Variants in TMEM132E observed in about 807,000 individuals in gnomAD.
TMEM132E encodes transmembrane protein 132E.
A neutral mutation model predicts 78.5 loss-of-function variants in TMEM132E; 49 were observed. The ratio of observed to expected loss-of-function variants is 0.62; its 90% CI spans 0.50 to 0.79. The LOEUF (loss-of-function observed/expected upper bound fraction) is 0.79, where lower values mean the gene tolerates loss of function less well. Ranked by LOEUF, TMEM132E falls within the 30% of genes least tolerant of loss-of-function variation. The pLI, the probability that TMEM132E is intolerant of heterozygous loss-of-function variation, is 0.00. For missense variants in TMEM132E, 1,403 were observed against 1,470.9 expected, an observed-to-expected ratio of 0.95 and a Z score of 0.75; for synonymous variants, 715 against 670.6, an observed-to-expected ratio of 1.07 and a Z score of -1.02.
intron 1 of TMEM132E, among the ~76,000 whole-genome samples, chr17:34,622,164 C>T (rs934296922): frequency 6.6e-5 from 10 of 152,202 alleles, no homozygotes; most frequent in Admixed American, 5.2e-4. Flanking sequence ...ACTTGACAGA[C>T]CAACTGATCT....
intron 1 of TMEM132E, among the ~76,000 whole-genome samples, chr17:34,596,001 C>G (rs980857753): frequency 6.6e-6 from 1 of 151,530 alleles, no homozygotes; most frequent in Non-Finnish European, 1.5e-5. Flanking sequence ...CCCTCCATTC[C>G]CCTCCCTCGG....
chr17:34,621,027 G>A (rs1377548855), intron 1 of TMEM132E, among the ~76,000 whole-genome samples: 1 of 152,184 alleles, frequency 6.6e-6, no homozygotes, highest in Non-Finnish European at 1.5e-5. Context: ...GGAGGCTGGG[G>A]AGAGCTGGGA....
chr17:34,604,233 A>C (rs1442387201), intron 1 of TMEM132E, among the ~76,000 whole-genome samples: 2 of 152,028 alleles, frequency 1.3e-5, no homozygotes, highest in Non-Finnish European at 2.9e-5. Flanking sequence ...AGCTCTTCAG[A>C]ATGGCTTCTT....
rs375624936 is a variant in TMEM132E at position 34,629,989 on chromosome 17, C to G, written c.1339-19C>G. 4 of 1,588,794 alleles carry G rather than the reference C, an allele frequency of 2.5e-6. No individual in the cohort carries two copies. The African/African-American group carries it at 5.4e-5, about 21-fold the overall frequency. Reference sequence around the variant, plus strand: ...AGAAGGGGACCACAAGTAGAGCCCCCCCCTTCTCCTCCCTGCAGGACACAG... The same window carrying G: ...AGAAGGGGACCACAAGTAGAGCCCCGCCCTTCTCCTCCCTGCAGGACACAG... On this transcript the variant is annotated intron_variant, in intron 4 of 8. Coordinates refer to ENST00000631683, the MANE Select transcript of TMEM132E (RefSeq NM_001304438.2).
chr17:34,634,448 C>G (rs886582963), intron 6 of TMEM132E, among the ~76,000 whole-genome samples: 1 of 152,210 alleles, frequency 6.6e-6, no homozygotes. Context: ...TAAGAAGGAT[C>G]ACATTTGCTC....
At position 34,633,696 on chromosome 17, in the gene TMEM132E, G is replaced by C. The variant is rs188071801; in HGVS notation, c.1688+787G>C. 1.1e-4 allele frequency among the ~76,000 whole-genome samples: 17 copies of C among 152,374 alleles called. No homozygotes were observed. In the East Asian group the frequency reaches 3.3e-3, roughly 29 times the overall value. On this transcript the variant is annotated intron_variant, in intron 6 of 8. Transcript: ENST00000631683. Reference sequence around the variant, plus strand: ...AGAATTGGGCTGAGTTCAACTCAGAGAGATTTGGAAGAGTAAGGTGTGTAG... The same window carrying C: ...AGAATTGGGCTGAGTTCAACTCAGACAGATTTGGAAGAGTAAGGTGTGTAG...
chr17:34,612,741 C>G (rs1022149342), intron 1 of TMEM132E, among the ~76,000 whole-genome samples: 20 of 152,314 alleles, frequency 1.3e-4, no homozygotes, highest in Non-Finnish European at 1.8e-4. Context: ...TCCCCAACTT[C>G]CAGGCTCACT....
intron 1 of TMEM132E, among the ~76,000 whole-genome samples, chr17:34,607,057 G>C (rs1463614785): frequency 2.6e-5 from 4 of 152,218 alleles, no homozygotes; most frequent in African/African-American, 7.2e-5. Context: ...ATCAGCTTCA[G>C]GTGGCTGGGA....
At position 34,634,994 on chromosome 17, in the gene TMEM132E, C is replaced by G; in HGVS notation, c.1884C>G (p.Val628=). 1 of 1,614,092 alleles carries G rather than the reference C, an allele frequency of 6.2e-7. No individual in the cohort carries two copies. Among genetic ancestry groups the G allele is most frequent in the Non-Finnish European group, 8.5e-7 (1 of 1,180,038 alleles). Residue 628 remains valine (V), a synonymous_variant, in exon 7 of 9, where the codon GTC becomes GTG. Coordinates refer to ENST00000631683, the MANE Select transcript of TMEM132E (RefSeq NM_001304438.2). The stretch of plus-strand genomic sequence containing the variant: ...GGCTGGTGGAGGTCACCGACCTAGT[C>G]AGTGACTTCATGCGGGTGGGCGATC... ...PDWLVEVTDL[V]SDFMRVGDPR... is the part of the protein sequence containing the mutation.
chr17:34,626,512 G>C lies in TMEM132E; in HGVS notation c.453G>C (p.Arg151=), dbSNP rs1313771027. Reference sequence around the variant, plus strand: ...AGGTGCTGTTCTACGTAGCCGGCCGGGACTGGGACGACTTCGGCGTCACCG... The same window carrying C: ...AGGTGCTGTTCTACGTAGCCGGCCGCGACTGGGACGACTTCGGCGTCACCG... ...VVQVLFYVAG[R]DWDDFGVTER... is the part of the protein sequence containing the mutation. Residue 151 remains arginine, a synonymous_variant, in exon 2 of 9, where the codon CGG becomes CGC. Coordinates refer to ENST00000631683, the MANE Select transcript of TMEM132E (RefSeq NM_001304438.2). 6.2e-7 allele frequency: 1 copy of C among 1,607,788 alleles called. No homozygotes were observed. The highest frequency in any genetic ancestry group is 8.5e-7 in the Non-Finnish European group (1 of 1,178,898).
chr17:34,615,536 T>TGTGTGTGTGTGC (rs1906752408), intron 1 of TMEM132E, among the ~76,000 whole-genome samples: 1 of 151,496 alleles, frequency 6.6e-6, no homozygotes, highest in Non-Finnish European at 1.5e-5. Flanking sequence ...TGTGTGTGTG[T>TGTGTGTGTGTGC]GTGTGTGTGT....
At chr17:34,612,459 C>T (rs188556497) in intron 1 of TMEM132E, among the ~76,000 whole-genome samples, 162 of 152,194 alleles carry the variant, frequency 1.1e-3, no homozygotes, top group African/African-American at 3.5e-3. Context: ...TGTGGAGCCC[C>T]GGCAGAGCCC....
chr17:34,627,123 TG>T, intron 2 of TMEM132E, 66 bp downstream of exon 2: 1 of 638,006 alleles, frequency 1.6e-6, no homozygotes, highest in Non-Finnish European at 2.8e-6. Context: ...TGACTCCTTG[TG>T]GGTGGGTTGG....
chr17:34,632,780 G>A lies in TMEM132E; in HGVS notation c.1559G>A (p.Arg520His), dbSNP rs200983961. The change falls in exon 6 of 9, where the codon CGC becomes CAC. Residue 520 changes from arginine to histidine, a missense_variant. By Grantham distance (29) the Arg-to-His change is conservative. Around this residue, in one of 3 missense-constraint regions of TMEM132E, gnomAD observed 888 missense variants for 952.8 expected, o/e 0.93. Coordinates refer to ENST00000631683, the MANE Select transcript of TMEM132E (RefSeq NM_001304438.2). ...TCCATGAACGCCAGGGTCACCTTCC[G>A]CTACGACGTCCTCAATGCTCCCCTG... ...RGSMNARVTF[R>H]YDVLNAPLEM... is the part of the protein sequence containing the mutation. The A allele has an allele frequency of 1.1e-5, 18 of 1,614,156 alleles. No individual in the cohort carries two copies. The highest frequency in any genetic ancestry group is 1.0e-4 in the Admixed American group (6 of 60,016).
intron 1 of TMEM132E, among the ~76,000 whole-genome samples, chr17:34,616,195 G>T (rs115201487): frequency 6.6e-6 from 1 of 152,202 alleles, no homozygotes; most frequent in Non-Finnish European, 1.5e-5. Flanking sequence ...GGAGTCAGCA[G>T]GCAGGAGGTC....
At chr17:34,589,567 T>C (rs1400695283) in intron 1 of TMEM132E, among the ~76,000 whole-genome samples, 1 of 152,172 alleles carries the variant, frequency 6.6e-6, no homozygotes, top group Admixed American at 6.5e-5. Context: ...ACCACTCTGA[T>C]TTGGGGAGTG....
intron 8 of TMEM132E, among the ~76,000 whole-genome samples, chr17:34,636,783 A>G (rs1486967417): frequency 6.6e-6 from 1 of 152,208 alleles, no homozygotes; most frequent in Non-Finnish European, 1.5e-5. Flanking sequence ...GTGTATTCTC[A>G]ACAGCCTGTT....
intron 1 of TMEM132E, among the ~76,000 whole-genome samples, chr17:34,594,335 T>C (rs1457793942): frequency 3.3e-5 from 5 of 152,218 alleles, no homozygotes; most frequent in African/African-American, 1.2e-4. Context: ...GGTGGCATGA[T>C]TGGCAGTAAC....
At chr17:34,587,377 A>G (rs1905714928) in intron 1 of TMEM132E, among the ~76,000 whole-genome samples, 1 of 152,066 alleles carries the variant, frequency 6.6e-6, no homozygotes, top group Admixed American at 6.6e-5. Flanking sequence ...GTGGGGGGGA[A>G]TGGTTCTTGC....
Sources: gnomAD v4.1 joint callset for allele counts (sites outside exome capture counted in the v4.1 genomes callset) on GRCh38, gnomAD v4.1.1 for gene constraint, gnomAD v4.1.1 regional missense constraint, MANE v1.5 for transcripts, NCBI Gene and HGNC (gene_info 2026-07-23, HGNC 2026-07-21) for gene names.